Variants in BCAT1 observed in about 807,000 individuals in gnomAD.
The protein encoded by BCAT1 is branched-chain-amino-acid aminotransferase, cytosolic.
A neutral mutation model predicts 52.4 loss-of-function variants in BCAT1; 48 were observed. The observed-to-expected ratio is 0.92, with a 90% CI of 0.73 to 1.16. The LOEUF (loss-of-function observed/expected upper bound fraction) is 1.16, where lower values mean the gene tolerates loss of function less well. BCAT1 is among the 50% of genes most tolerant of loss of function. The probability of loss-of-function intolerance (pLI) is 0.00; values close to 1 mark genes in which losing one functional copy is unlikely to be tolerated. For missense variants in BCAT1, 451 were observed against 457.1 expected, an observed-to-expected ratio of 0.99 and a Z score of 0.12; for synonymous variants, 167 against 161.3, an observed-to-expected ratio of 1.04 and a Z score of -0.27.
intron 1 of BCAT1, among the ~76,000 whole-genome samples, chr12:24,925,958 C>T (rs952153167): frequency 3.3e-5 from 5 of 152,202 alleles, no homozygotes; most frequent in East Asian, 1.9e-4. Flanking sequence ...ACCTCCCAGC[C>T]GCCTGCCTTG....
intron 10 of BCAT1, among the ~76,000 whole-genome samples, 187 bp from the exon 11 acceptor site, chr12:24,818,236 A>G (rs1454322178): frequency 6.6e-6 from 1 of 152,218 alleles, no homozygotes; most frequent in Non-Finnish European, 1.5e-5. Context: ...GGGACACCAT[A>G]TAAAACATAA....
At chr12:24,878,171 C>CA (rs893799590) in intron 5 of BCAT1, among the ~76,000 whole-genome samples, 86 of 138,932 alleles carry the variant, frequency 6.2e-4, no homozygotes, top group Middle Eastern at 3.8e-3. Flanking sequence ...AGAGAGACCT[C>CA]AAAAAAAAAA....
intron 1 of BCAT1, among the ~76,000 whole-genome samples, chr12:24,932,673 A>AC (rs1943692801): frequency 6.6e-6 from 1 of 152,166 alleles, no homozygotes; most frequent in Non-Finnish European, 1.5e-5. Flanking sequence ...GTCTCCTTCT[A>AC]TCGCACAGGC....
intron 5 of BCAT1, among the ~76,000 whole-genome samples, chr12:24,876,246 A>G (rs1942332033): frequency 7.0e-6 from 1 of 142,278 alleles, no homozygotes; most frequent in Admixed American, 7.3e-5. Flanking sequence ...ATCAAGAGGA[A>G]GAGGAGGGAG....
intron 1 of BCAT1, among the ~76,000 whole-genome samples, chr12:24,930,283 C>A (rs914309811): frequency 2.0e-5 from 3 of 152,232 alleles, no homozygotes. Context: ...TTATTCCCTA[C>A]ACAGCCTCTG....
chr12:24,926,587 AG>A (rs1398950603), intron 1 of BCAT1, among the ~76,000 whole-genome samples: 2 of 152,202 alleles, frequency 1.3e-5, no homozygotes, highest in Non-Finnish European at 2.9e-5. Context: ...AAGTAGACAT[AG>A]GAGACTCCAT....
chr12:24,858,429 G>A (rs1403659171), intron 5 of BCAT1, among the ~76,000 whole-genome samples: 4 of 152,176 alleles, frequency 2.6e-5, no homozygotes, highest in Admixed American at 2.0e-4. Flanking sequence ...TTAGACATCT[G>A]GTCTAAATTA....
chr12:24,828,173 T>C (rs896405265), intron 10 of BCAT1, among the ~76,000 whole-genome samples: 3 of 152,264 alleles, frequency 2.0e-5, no homozygotes, highest in Non-Finnish European at 4.4e-5. Flanking sequence ...ATCACTCAAA[T>C]GATCAAACTT....
At chr12:24,865,869 A>C (rs1304149552) in intron 5 of BCAT1, among the ~76,000 whole-genome samples, 3 of 152,222 alleles carry the variant, frequency 2.0e-5, no homozygotes, top group Non-Finnish European at 4.4e-5. Flanking sequence ...TTAATCAACA[A>C]GAGACTGGTT....
In BCAT1 at chr12:24,878,042, T is replaced by C. The variant is rs142817731; in HGVS notation, c.510+488A>G. 6.7e-3 allele frequency among the ~76,000 whole-genome samples: 1,012 copies of C among 151,874 alleles called. 8 individuals are homozygous for C. Among genetic ancestry groups the C allele is most frequent in the African/African-American group, 0.024 (979 of 41,362 alleles). On this transcript the variant is annotated intron_variant, in intron 5 of 10. Coordinates refer to ENST00000261192, the MANE Select transcript of BCAT1 (RefSeq NM_005504.7). ...GGTAGCACATGCCTGTAGTACTAGC[T>C]ACTTGGGAAGCTGAGGCAGGAGGAT...
intron 5 of BCAT1, among the ~76,000 whole-genome samples, chr12:24,870,664 C>T (rs999472211): frequency 1.3e-5 from 2 of 152,194 alleles, no homozygotes; most frequent in Admixed American, 1.3e-4. Context: ...TAAGAGAATA[C>T]AGGCTCTTAT....
In BCAT1 at chr12:24,812,735, C is replaced by T. The variant is rs891268952; in HGVS notation, c.*5273G>A. 6.6e-6 allele frequency: 1 copy of T among 152,000 alleles called. No homozygotes were observed. The highest frequency in any genetic ancestry group is 2.4e-5 in the African/African-American group (1 of 41,452). 9.4% of individuals were successfully genotyped at this position (152,000 alleles called of 1,614,324 possible). A position where few individuals can be genotyped will look rare whatever the true frequency, so the allele number is the denominator to read the frequency against. Reference sequence around the variant, plus strand: ...TTCTCTACCTCCACTTATTCTTCCTCTGATATCATCTTTCATTAAATTTTT... The same window carrying T: ...TTCTCTACCTCCACTTATTCTTCCTTTGATATCATCTTTCATTAAATTTTT... On this transcript the variant is annotated 3_prime_UTR_variant, in exon 11 of 11. Coordinates refer to ENST00000261192, the MANE Select transcript of BCAT1 (RefSeq NM_005504.7).
chr12:24,916,153 C>T (rs539804024), intron 1 of BCAT1, among the ~76,000 whole-genome samples: 4 of 152,142 alleles, frequency 2.6e-5, no homozygotes, highest in Admixed American at 6.5e-5. Context: ...AGTGAGATTC[C>T]GTGTCAAAAA....
At position 24,816,824 on chromosome 12, in the gene BCAT1, A is replaced by G. The variant is rs557301021; in HGVS notation, c.*1184T>C. On this transcript the variant is annotated 3_prime_UTR_variant, in exon 11 of 11. Transcript: ENST00000261192. ...CATCAAGCATTAGATTCTCATAAGG[A>G]GCGCATAGCCTAGATCCCTTGCATG... The G allele has an allele frequency of 2.8e-6, 1 of 361,296 alleles. No individual in the cohort carries two copies. The highest frequency in any genetic ancestry group is 3.9e-5 in the East Asian group (1 of 25,852). 22.4% of individuals were successfully genotyped at this position (361,296 alleles called of 1,614,324 possible).
intron 5 of BCAT1, among the ~76,000 whole-genome samples, chr12:24,856,361 C>T (rs532216428): frequency 6.6e-6 from 1 of 152,306 alleles, no homozygotes; most frequent in East Asian, 1.9e-4. Context: ...GAACACTCTC[C>T]TTCCAATGCC....
chr12:24,943,923 G>A (rs547625891), intron 1 of BCAT1, among the ~76,000 whole-genome samples: 1 of 152,022 alleles, frequency 6.6e-6, no homozygotes, highest in Admixed American at 6.5e-5. Context: ...GGCGGAGCTT[G>A]CAGTGAGCCG....
chr12:24,925,487 G>T (rs1464782144), intron 1 of BCAT1, among the ~76,000 whole-genome samples: 1 of 152,160 alleles, frequency 6.6e-6, no homozygotes, highest in Non-Finnish European at 1.5e-5. Flanking sequence ...TATAGATATA[G>T]ATATGCCCTA....
At chr12:24,937,649 T>C (rs1004404272) in intron 1 of BCAT1, among the ~76,000 whole-genome samples, 2 of 152,096 alleles carry the variant, frequency 1.3e-5, no homozygotes, top group African/African-American at 4.8e-5. Flanking sequence ...AGTGCTGGGA[T>C]TACAGTGCTG....
intron 5 of BCAT1, among the ~76,000 whole-genome samples, chr12:24,858,225 T>C (rs747573428): frequency 6.6e-6 from 1 of 152,188 alleles, no homozygotes; most frequent in East Asian, 1.9e-4. Context: ...CTTCTGTCTG[T>C]GTATTTTTGT....
Sources: gnomAD v4.1 joint callset for allele counts (sites outside exome capture counted in the v4.1 genomes callset) on GRCh38, gnomAD v4.1.1 for gene constraint, MANE v1.5 for transcripts, NCBI Gene and HGNC (gene_info 2026-07-23, HGNC 2026-07-21) for gene names.